XYLT1: variants seen among roughly 807,000 people sequenced by gnomAD.
XYLT1 encodes the protein beta-D-xylosyltransferase 1.
XYLT1 carries 36 observed loss-of-function variants against 91.3 expected under a neutral mutation model. The ratio of observed to expected loss-of-function variants is 0.39; its 90% CI spans 0.30 to 0.52. The LOEUF (loss-of-function observed/expected upper bound fraction) is 0.52, where lower values mean the gene tolerates loss of function less well. Among genes scored for constraint, XYLT1 ranks in the 20% least tolerant of loss-of-function variants. The probability of loss-of-function intolerance (pLI) is 0.68; values close to 1 mark genes in which losing one functional copy is unlikely to be tolerated. For missense variants in XYLT1, 1,242 were observed against 1,284.5 expected (o/e 0.97, Z 0.51); for synonymous variants, 588 against 532.0 (o/e 1.11, Z -1.45).
At chr16:17,166,790 G>A (rs1443607595) in intron 5 of XYLT1, among the ~76,000 whole-genome samples, 1 of 151,728 alleles carries the variant, frequency 6.6e-6, no homozygotes, top group Non-Finnish European at 1.5e-5. Flanking sequence ...TGGGACCACA[G>A]ACATGAGGCC....
chr16:17,186,764 G>C (rs2032192943), intron 5 of XYLT1, among the ~76,000 whole-genome samples: 1 of 152,108 alleles, frequency 6.6e-6, no homozygotes, highest in South Asian at 2.1e-4. Flanking sequence ...GCCTTGAGAA[G>C]CAGCTCTATC....
At position 17,259,155 on chromosome 16, in the gene XYLT1, G is replaced by T. The variant is rs761858019; in HGVS notation, c.746C>A (p.Thr249Asn). The T allele has an allele frequency of 3.2e-5, 51 of 1,598,710 alleles. 2 individuals are homozygous for T. The Middle Eastern group carries it at 7.3e-3, about 227-fold the overall frequency. Residue 249 changes from threonine (T) to asparagine (N), a missense_variant, in exon 3 of 12, where the codon ACC (threonine) becomes AAC (asparagine). Around this residue, in one of 3 missense-constraint regions of XYLT1, gnomAD observed 437 missense variants for 411.5 expected, o/e 1.06. Coordinates refer to ENST00000261381, the MANE Select transcript of XYLT1 (RefSeq NM_022166.4). ...ACACTTAGGGGGCTGGTCATACTTG[G>T]TCTCGGGGGAGCTGCCCCCAGTTTT... ...ARKTGGSSPETKYDQPPKCDI... is the reference protein window; with the variant it reads ...ARKTGGSSPENKYDQPPKCDI...
At chr16:17,435,475 G>T (rs1413120755) in intron 1 of XYLT1, among the ~76,000 whole-genome samples, 2 of 152,200 alleles carry the variant, frequency 1.3e-5, no homozygotes, top group Non-Finnish European at 2.9e-5. Flanking sequence ...GGCAACGGCA[G>T]CTGCAGTAAA....
At chr16:17,246,276 C>T (rs1275575135) in intron 3 of XYLT1, among the ~76,000 whole-genome samples, 8 of 152,306 alleles carry the variant, frequency 5.3e-5, no homozygotes, top group South Asian at 4.1e-4. Context: ...ACAATCCCTA[C>T]GTAGAGGTTA....
chr16:17,124,799 TC>T (rs1195601103), intron 10 of XYLT1, among the ~76,000 whole-genome samples: 3 of 21,538 alleles, frequency 1.4e-4, no homozygotes, highest in Non-Finnish European at 3.4e-4. Flanking sequence ...TTTTAAAAAT[TC>T]TTTTTTGTGT....
chr16:17,401,223 G>A (rs571995280), intron 1 of XYLT1, among the ~76,000 whole-genome samples: 19 of 152,290 alleles, frequency 1.2e-4, no homozygotes, highest in Non-Finnish European at 2.5e-4. Context: ...AAGGGACGAG[G>A]AAGCAAGGGA....
intron 1 of XYLT1, among the ~76,000 whole-genome samples, chr16:17,432,013 T>C (rs917665610): frequency 3.9e-5 from 6 of 152,274 alleles, no homozygotes; most frequent in Admixed American, 6.5e-5. Flanking sequence ...CACAGGCAGA[T>C]ACCAATGGTT....
intron 3 of XYLT1, among the ~76,000 whole-genome samples, chr16:17,239,164 C>G (rs1295500300): frequency 6.6e-6 from 1 of 152,228 alleles, no homozygotes; most frequent in East Asian, 1.9e-4. Flanking sequence ...GGCATGCTTA[C>G]TGGACTCTTC....
chr16:17,401,896 C>T (rs2035973081), intron 1 of XYLT1, among the ~76,000 whole-genome samples: 2 of 152,032 alleles, frequency 1.3e-5, no homozygotes, highest in Non-Finnish European at 2.9e-5. Context: ...CAACAAAAAT[C>T]TAAATGTTCA....
At chr16:17,201,602 G>A (rs143142797) in intron 3 of XYLT1, among the ~76,000 whole-genome samples, 50 of 151,892 alleles carry the variant, frequency 3.3e-4, no homozygotes, top group Non-Finnish European at 6.6e-4. Context: ...AGCCTCCTGA[G>A]TAGCTGAGAT....
intron 2 of XYLT1, among the ~76,000 whole-genome samples, chr16:17,295,132 G>C (rs905384393): frequency 6.6e-6 from 1 of 152,184 alleles, no homozygotes; most frequent in Non-Finnish European, 1.5e-5. Flanking sequence ...GTGGGTAAGT[G>C]AGCATGCTGC....
rs538213581 is a variant in XYLT1 at position 17,305,003 on chromosome 16, T to C, written c.403-45505A>G. Among the ~76,000 whole-genome samples, 110 of 152,258 alleles carry C rather than the reference T, an allele frequency of 7.2e-4. 1 individual carries two copies. The highest frequency in any genetic ancestry group is 2.3e-3 in the African/African-American group (96 of 41,542). ...GGCACAGGAATGATCTGGAAGTCCTTGCATGTTTATAGCACCACTCAGTGC... is the reference window on the plus strand; with the variant it reads ...GGCACAGGAATGATCTGGAAGTCCTCGCATGTTTATAGCACCACTCAGTGC... On this transcript the variant is annotated intron_variant, in intron 2 of 11. Coordinates refer to ENST00000261381, the MANE Select transcript of XYLT1 (RefSeq NM_022166.4).
chr16:17,195,481 G>A (rs1024820263), intron 5 of XYLT1, among the ~76,000 whole-genome samples: 22 of 151,722 alleles, frequency 1.5e-4, no homozygotes, highest in African/African-American at 5.3e-4. Flanking sequence ...GAGTCTTGCT[G>A]TGTCGCCAGG....
chr16:17,261,518 A>T (rs2033722041), intron 2 of XYLT1, among the ~76,000 whole-genome samples: 2 of 152,312 alleles, frequency 1.3e-5, no homozygotes, highest in South Asian at 4.1e-4. Context: ...CAGGGACATG[A>T]TCCACTTCCA....
At chr16:17,184,448 T>C (rs1231564853) in intron 5 of XYLT1, among the ~76,000 whole-genome samples, 1 of 152,208 alleles carries the variant, frequency 6.6e-6, no homozygotes, top group Admixed American at 6.5e-5. Context: ...GCCTGGACTC[T>C]CTTTTCTTCT....
chr16:17,166,266 G>A (rs1225408831), intron 5 of XYLT1, among the ~76,000 whole-genome samples: 1 of 152,248 alleles, frequency 6.6e-6, no homozygotes, highest in Non-Finnish European at 1.5e-5. Flanking sequence ...AACAGAACCA[G>A]CATCTGGACT....
chr16:17,458,402 G>A (rs527674737), intron 1 of XYLT1, among the ~76,000 whole-genome samples: 41 of 152,210 alleles, frequency 2.7e-4, no homozygotes, highest in African/African-American at 9.4e-4. Flanking sequence ...TCCAAAAGAC[G>A]CACATGAAAT....
At chr16:17,441,518 A>G (rs974821808) in intron 1 of XYLT1, among the ~76,000 whole-genome samples, 17 of 152,276 alleles carry the variant, frequency 1.1e-4, no homozygotes, top group Non-Finnish European at 2.4e-4. Flanking sequence ...TCTGTCCACC[A>G]AAGTCCTCAC....
intron 3 of XYLT1, among the ~76,000 whole-genome samples, chr16:17,253,307 G>A (rs565392830): frequency 6.6e-6 from 1 of 152,264 alleles, no homozygotes; most frequent in South Asian, 2.1e-4. Context: ...CGCTGAGGCT[G>A]GGTGTGCAAT....
Sources: allele counts gnomAD v4.1 joint callset (sites outside exome capture counted in the v4.1 genomes callset), GRCh38; gene constraint gnomAD v4.1.1; regional missense constraint gnomAD v4.1.1; transcripts MANE v1.5; gene names NCBI Gene and HGNC (gene_info 2026-07-23, HGNC 2026-07-21).